The following PPP1R12B variants were observed in gnomAD, a reference collection of about 807,000 sequenced individuals.
The protein encoded by PPP1R12B is myosin phosphatase target subunit 2.
PPP1R12B carries 76 observed loss-of-function variants against 126.1 expected under a neutral mutation model. The observed-to-expected ratio is 0.60, with a 90% CI of 0.50 to 0.73. The LOEUF is 0.73. PPP1R12B is among the 30% of genes least tolerant of loss of function. The pLI is 0.00. For synonymous variants in PPP1R12B, 356 were observed against 434.7 expected, an observed-to-expected ratio of 0.82 and a Z score of 2.25; for missense variants, 1,052 against 1,205.1, an observed-to-expected ratio of 0.87 and a Z score of 1.88.
chr1:202,383,682 C>T (rs1393163087), intron 1 of PPP1R12B, among the ~76,000 whole-genome samples: 7 of 151,994 alleles, frequency 4.6e-5, no homozygotes. Flanking sequence ...CAAGATCCCA[C>T]CCTTGCACTC....
At chr1:202,446,256 A>ATATATATATATTTTTTT (rs376183502) in intron 12 of PPP1R12B, among the ~76,000 whole-genome samples, 2 of 54,340 alleles carry the variant, frequency 3.7e-5, no homozygotes, top group Admixed American at 3.8e-4. Flanking sequence ...ATATATATAT[A>ATATATATATATTTTTTT]TTTTTTTTTT....
chr1:202,509,444 G>A (rs905820424), intron 18 of PPP1R12B, among the ~76,000 whole-genome samples: 4 of 152,160 alleles, frequency 2.6e-5, no homozygotes, highest in Non-Finnish European at 5.9e-5. Flanking sequence ...GGTTCTCCTA[G>A]CGTGTCCCTA....
chr1:202,454,515 A>G (rs1363322276), intron 13 of PPP1R12B, among the ~76,000 whole-genome samples: 2 of 152,228 alleles, frequency 1.3e-5, no homozygotes, highest in South Asian at 2.1e-4. Context: ...GACAAATATG[A>G]TGTGAGCCCT....
intron 18 of PPP1R12B, among the ~76,000 whole-genome samples, chr1:202,500,391 G>A (rs1288439601): frequency 2.0e-5 from 3 of 152,084 alleles, no homozygotes; most frequent in Non-Finnish European, 4.4e-5. Context: ...TGTACATAGT[G>A]GAATACTATT....
At chr1:202,448,011 A>G (rs1672489909) in intron 12 of PPP1R12B, among the ~76,000 whole-genome samples, 3 of 150,964 alleles carry the variant, frequency 2.0e-5, no homozygotes. Flanking sequence ...TACCATATTT[A>G]TATTTTTATG....
chr1:202,378,736 C>A (rs1301922771), intron 1 of PPP1R12B, among the ~76,000 whole-genome samples: 1 of 152,174 alleles, frequency 6.6e-6, no homozygotes, highest in African/African-American at 2.4e-5. Context: ...CCTCGGCTTC[C>A]CAAAGTGCTG....
In PPP1R12B at chr1:202,401,766, CTT is replaced by C. The variant is rs940086602; in HGVS notation, c.292-15018_292-15017del. On this transcript the variant is annotated intron_variant, in intron 1 of 23. Transcript: ENST00000608999. Reference sequence around the variant, plus strand: ...TGGGCTGTGACATTAAAGTCAGACTCTTTTGCCTATACAGCATCTTACAACAT... The same window carrying C: ...TGGGCTGTGACATTAAAGTCAGACTCTTGCCTATACAGCATCTTACAACAT... Among the ~76,000 whole-genome samples, 54 of 152,290 alleles carry C rather than the reference CTT, an allele frequency of 3.5e-4. 1 individual carries two copies. Among genetic ancestry groups the C allele is most frequent in the African/African-American group, 1.2e-3 (50 of 41,564 alleles).
intron 23 of PPP1R12B, among the ~76,000 whole-genome samples, chr1:202,569,979 T>A (rs1359800915): frequency 6.6e-6 from 1 of 152,184 alleles, no homozygotes; most frequent in Non-Finnish European, 1.5e-5. Flanking sequence ...GCAAGATGGA[T>A]ACAGAGCTGC....
chr1:202,580,390 C>T, intron 23 of PPP1R12B, 84 bp from the exon 24 acceptor site: 2 of 1,013,848 alleles, frequency 2.0e-6, no homozygotes, highest in South Asian at 1.3e-5. Flanking sequence ...AGGCCCTGCT[C>T]ACCAGGCTGG....
rs202096559 is a variant in PPP1R12B at position 202,525,598 on chromosome 1, CT to C, written c.2490+28789del. Among the ~76,000 whole-genome samples the C allele has an allele frequency of 3.6e-3, 486 of 133,862 alleles. 2 individuals are homozygous for C. The highest frequency in any genetic ancestry group is 7.4e-3 in the African/African-American group (264 of 35,812). 87.8% of individuals were successfully genotyped at this position (133,862 alleles called of 152,430 possible). ...GAGGAATTGAAAACATTGAGAAAAG[CT>C]TTTTTTTTTTTTCTTTTTTTTTTTT... On this transcript the variant is annotated intron_variant, in intron 18 of 23. Transcript: ENST00000608999.
intron 23 of PPP1R12B, chr1:202,575,563 A>C (rs1242356577): frequency 6.5e-6 from 1 of 154,122 alleles, no homozygotes; most frequent in Non-Finnish European, 1.4e-5. Flanking sequence ...CCCAAGTCCA[A>C]CCCACTCCCC....
chr1:202,504,764 T>A (rs1296090484), intron 18 of PPP1R12B, among the ~76,000 whole-genome samples: 2 of 152,202 alleles, frequency 1.3e-5, no homozygotes, highest in Non-Finnish European at 2.9e-5. Flanking sequence ...CTCCCTGCAT[T>A]TAACCCCAGC....
chr1:202,413,148 T>C (rs1667621957), intron 1 of PPP1R12B, among the ~76,000 whole-genome samples: 2 of 151,864 alleles, frequency 1.3e-5, no homozygotes, highest in African/African-American at 2.4e-5. Context: ...TGGAGGAATA[T>C]ATTATATAGC....
chr1:202,568,459 A>C (rs1473485391), intron 22 of PPP1R12B, among the ~76,000 whole-genome samples: 1 of 152,212 alleles, frequency 6.6e-6, no homozygotes, highest in African/African-American at 2.4e-5. Context: ...CCCTGGAGAT[A>C]TAATATGTTC....
At chr1:202,466,085 T>C (rs1572150507) in intron 13 of PPP1R12B, among the ~76,000 whole-genome samples, 1 of 152,330 alleles carries the variant, frequency 6.6e-6, no homozygotes, top group African/African-American at 2.4e-5. Flanking sequence ...CCTGTCGTAA[T>C]AGGATTCACC....
At chr1:202,378,497 T>G (rs1436326240) in intron 1 of PPP1R12B, among the ~76,000 whole-genome samples, 1 of 152,156 alleles carries the variant, frequency 6.6e-6, no homozygotes, top group East Asian at 1.9e-4. Flanking sequence ...GTTGTTGTTT[T>G]GGGACAGAGT....
intron 18 of PPP1R12B, among the ~76,000 whole-genome samples, chr1:202,503,356 A>G (rs1255161416): frequency 6.6e-6 from 1 of 152,220 alleles, no homozygotes; most frequent in Non-Finnish European, 1.5e-5. Flanking sequence ...AAGAATACAG[A>G]ATACATTTGG....
intron 18 of PPP1R12B, among the ~76,000 whole-genome samples, chr1:202,536,821 A>C (rs943610085): frequency 6.6e-6 from 1 of 151,952 alleles, no homozygotes; most frequent in Non-Finnish European, 1.5e-5. Context: ...AGACACACAC[A>C]CATTAGCTTA....
Position 202,430,715 on chromosome 1 carries a change from T to G in PPP1R12B, c.922-16T>G. Reference sequence around the variant, plus strand: ...GTCAACTTCTTCCCTTTTCTCTCTGTTTTCTCCATTTCCAGCTTCGAAGTG... The same window carrying G: ...GTCAACTTCTTCCCTTTTCTCTCTGGTTTCTCCATTTCCAGCTTCGAAGTG... On this transcript the variant is annotated splice_polypyrimidine_tract_variant and intron_variant, in intron 6 of 23. Transcript: ENST00000608999. 1 of 1,611,886 alleles carries G rather than the reference T, an allele frequency of 6.2e-7. No homozygotes were observed. The highest frequency in any genetic ancestry group is 1.7e-5 in the Admixed American group (1 of 59,840).
Sources: allele counts gnomAD v4.1 joint callset (sites outside exome capture counted in the v4.1 genomes callset), GRCh38; gene constraint gnomAD v4.1.1; transcripts MANE v1.5; gene names NCBI Gene and HGNC (gene_info 2026-07-23, HGNC 2026-07-21).